GPR141: variants seen among roughly 807,000 people sequenced by gnomAD.
GPR141 encodes the protein G protein-coupled receptor 141.
In GPR141, 6 loss-of-function variants were observed where a neutral mutation model predicts 6.8. That is an observed-to-expected ratio of 0.88 (90% CI 0.48 to 1.74). The LOEUF (loss-of-function observed/expected upper bound fraction) is 1.74. GPR141 is among the 40% of genes most tolerant of loss of function. The pLI is 0.01. For missense variants in GPR141, 372 were observed against 372.9 expected, an observed-to-expected ratio of 1.00 and a Z score of 0.02; for synonymous variants, 140 against 142.3, an observed-to-expected ratio of 0.98 and a Z score of 0.11.
chr7:37,706,840 G>A (rs1220610699), intron 2 of GPR141, among the ~76,000 whole-genome samples: 1 of 152,078 alleles, frequency 6.6e-6, no homozygotes, highest in African/African-American at 2.4e-5. Flanking sequence ...CATATAAATC[G>A]TAATGATTGA....
rs1583581378 is a variant in GPR141 at position 37,738,173 on chromosome 7, A to G, written c.-14-2207A>G. 2.6e-5 allele frequency among the ~76,000 whole-genome samples: 4 copies of G among 152,348 alleles called. No homozygotes were observed. In the East Asian group the frequency reaches 7.7e-4, roughly 29 times the overall value. On this transcript the variant is annotated intron_variant, in intron 2 of 2. Transcript: ENST00000334425. ...ATTCAGTATAATAATACATTACACAATTAACTGTTGTAAGGGTTAAATTAA... is the reference window on the plus strand; with the variant it reads ...ATTCAGTATAATAATACATTACACAGTTAACTGTTGTAAGGGTTAAATTAA...
intron 2 of GPR141, among the ~76,000 whole-genome samples, chr7:37,708,310 CAAAAAAA>C (rs66783277): frequency 0.01 from 610 of 59,820 alleles, 5 homozygotes; most frequent in African/African-American, 0.041. Flanking sequence ...AAATTGCTGG[CAAAAAAA>C]AAAAAAAAAA....
chr7:37,731,171 T>C (rs1401589969), intron 2 of GPR141, among the ~76,000 whole-genome samples: 1 of 152,238 alleles, frequency 6.6e-6, no homozygotes, highest in Non-Finnish European at 1.5e-5. Context: ...AAATTCAATT[T>C]GGAGAATTCA....
At position 37,694,841 on chromosome 7, in the gene GPR141, C is replaced by T. The variant is rs139902373; in HGVS notation, c.-15+9258C>T. Among the ~76,000 whole-genome samples the T allele has an allele frequency of 7.2e-4, 110 of 152,264 alleles. 2 individuals are homozygous for T. In the East Asian group the frequency reaches 0.017, roughly 24 times the overall value. On this transcript the variant is annotated intron_variant, in intron 2 of 2. Transcript: ENST00000334425. The stretch of plus-strand genomic sequence containing the variant: ...TAGCACCTCCTGTTTGGCCTGGATT[C>T]CAACATTGTGGATCAAATTTCAACA...
chr7:37,718,544 G>T (rs1400686790), intron 2 of GPR141, among the ~76,000 whole-genome samples: 1 of 151,850 alleles, frequency 6.6e-6, no homozygotes, highest in Non-Finnish European at 1.5e-5. Context: ...AGGAAGGAAG[G>T]AAGGAAGGAA....
At chr7:37,735,731 A>G (rs1324498868) in intron 2 of GPR141, among the ~76,000 whole-genome samples, 1 of 152,206 alleles carries the variant, frequency 6.6e-6, no homozygotes, top group Non-Finnish European at 1.5e-5. Context: ...AAAAAAACAG[A>G]TAATAGAAGT....
chr7:37,709,771 A>T (rs368595214), intron 2 of GPR141: 14 of 152,344 alleles, frequency 9.2e-5, no homozygotes, highest in African/African-American at 1.2e-4. Context: ...GTTTCCCTCC[A>T]ATGGCAAAGT....
chr7:37,728,953 A>C (rs1171728058), intron 2 of GPR141, among the ~76,000 whole-genome samples: 3 of 152,184 alleles, frequency 2.0e-5, no homozygotes, highest in Non-Finnish European at 4.4e-5. Flanking sequence ...AAGTGAAATC[A>C]TTGATGATGC....
chr7:37,730,706 C>A (rs1240797673), intron 2 of GPR141, among the ~76,000 whole-genome samples: 1 of 152,258 alleles, frequency 6.6e-6, no homozygotes, highest in South Asian at 2.1e-4. Flanking sequence ...TCATACCTGG[C>A]AGGCTCACTG....
At chr7:37,716,801 A>C (rs529440740) in intron 2 of GPR141, among the ~76,000 whole-genome samples, 1 of 152,364 alleles carries the variant, frequency 6.6e-6, no homozygotes, top group South Asian at 2.1e-4. Flanking sequence ...TAAAGTTTCA[A>C]CTGTATTTGT....
intron 2 of GPR141, among the ~76,000 whole-genome samples, chr7:37,714,092 T>C (rs1372794911): frequency 3.3e-5 from 5 of 152,180 alleles, no homozygotes; most frequent in Non-Finnish European, 5.9e-5. Context: ...TTTAGATTTT[T>C]CTCTGAGATG....
intron 2 of GPR141, among the ~76,000 whole-genome samples, chr7:37,714,627 A>G (rs936649287): frequency 2.0e-5 from 3 of 152,238 alleles, no homozygotes; most frequent in Non-Finnish European, 4.4e-5. Flanking sequence ...ACTAATTTCA[A>G]TTTATCTAAA....
intron 2 of GPR141, among the ~76,000 whole-genome samples, chr7:37,732,029 T>A (rs1811972855): frequency 1.2e-5 from 1 of 85,244 alleles, no homozygotes; most frequent in Non-Finnish European, 2.3e-5. Context: ...TTTGTTTGTT[T>A]TTTTTATTTT....
chr7:37,705,081 C>T (rs1562772602), intron 2 of GPR141, among the ~76,000 whole-genome samples: 1 of 152,038 alleles, frequency 6.6e-6, no homozygotes, highest in African/African-American at 2.4e-5. Flanking sequence ...TTGAATGTAA[C>T]CCTGGTATTA....
intron 2 of GPR141, among the ~76,000 whole-genome samples, chr7:37,722,923 T>TTCCTTCCTTCCTTCCTTCC (rs1811410475): frequency 8.9e-6 from 1 of 112,212 alleles, no homozygotes; most frequent in Non-Finnish European, 1.8e-5. Flanking sequence ...TTCTTTTTCC[T>TTCCTTCCTTCCTTCCTTCC]TTCCTTCCTT....
chr7:37,731,230 C>T (rs1811914102), intron 2 of GPR141, among the ~76,000 whole-genome samples: 2 of 152,196 alleles, frequency 1.3e-5, no homozygotes, highest in South Asian at 4.1e-4. Context: ...CCTGCATACT[C>T]ATCTCTTCTC....
intron 2 of GPR141, among the ~76,000 whole-genome samples, chr7:37,692,490 A>G (rs1157916111): frequency 6.6e-6 from 1 of 152,190 alleles, no homozygotes; most frequent in African/African-American, 2.4e-5. Context: ...AGAATGATTT[A>G]TAATCCTTTG....
At chr7:37,735,775 A>G (rs1812205206) in intron 2 of GPR141, among the ~76,000 whole-genome samples, 1 of 152,240 alleles carries the variant, frequency 6.6e-6, no homozygotes, top group Non-Finnish European at 1.5e-5. Flanking sequence ...GCCTTTTGAA[A>G]TAACTATGAT....
At chr7:37,707,160 C>T (rs1414011729) in intron 2 of GPR141, among the ~76,000 whole-genome samples, 3 of 152,118 alleles carry the variant, frequency 2.0e-5, no homozygotes, top group African/African-American at 7.2e-5. Context: ...CCTCCCAGAA[C>T]GTCTACATAA....
Sources: gnomAD v4.1 joint callset for allele counts (sites outside exome capture counted in the v4.1 genomes callset) on GRCh38, gnomAD v4.1.1 for gene constraint, MANE v1.5 for transcripts, NCBI Gene and HGNC (gene_info 2026-07-23, HGNC 2026-07-21) for gene names.